PCDH15: variants seen among roughly 807,000 people sequenced by gnomAD.
PCDH15 encodes the protein protocadherin related 15.
In PCDH15, 129 loss-of-function variants were observed where a neutral mutation model predicts 178.5. That is an observed-to-expected ratio of 0.72 (90% CI 0.63 to 0.84). The LOEUF (loss-of-function observed/expected upper bound fraction) is 0.84. PCDH15 is among the 40% of genes least tolerant of loss of function. The pLI is 0.00. For missense variants in PCDH15, 2,230 were observed against 2,099.9 expected (o/e 1.06, Z -1.21); for synonymous variants, 800 against 732.0 (o/e 1.09, Z -1.50).
chr10:54,283,097 G>A (rs1485494053), intron 8 of PCDH15, among the ~76,000 whole-genome samples: 1 of 152,070 alleles, frequency 6.6e-6, no homozygotes, highest in South Asian at 2.1e-4. Context: ...AATGCTATAA[G>A]GACCACTACA....
intron 2 of PCDH15, among the ~76,000 whole-genome samples, chr10:55,331,224 C>A (rs754586196): frequency 3.3e-5 from 5 of 151,858 alleles, no homozygotes; most frequent in Non-Finnish European, 7.4e-5. Flanking sequence ...ATAGCTTGCA[C>A]AACTCACGAG....
Position 54,307,011 on chromosome 10 carries a change from TATAC to T in PCDH15, c.876+10256_876+10259del, listed in dbSNP as rs1174224242. Among the ~76,000 whole-genome samples, 49 of 49,688 alleles carry T rather than the reference TATAC, an allele frequency of 9.9e-4. 2 individuals are homozygous for T. The highest frequency in any genetic ancestry group is 2.2e-3 in the Non-Finnish European group (44 of 19,676). The allele number at this position is 49,688 out of a possible 152,430, so 32.6% of individuals were successfully genotyped here. A position where few individuals can be genotyped will look rare whatever the true frequency, so the allele number is the denominator to read the frequency against. ...TTGTTTGAAATTAAATATATATATA[TATAC>T]ATATATATATATATGTGTGTGTGTG... On this transcript the variant is annotated intron_variant, in intron 8 of 37. Transcript: ENST00000644397.
intron 2 of PCDH15, among the ~76,000 whole-genome samples, chr10:55,537,298 T>C (rs1209994613): frequency 3.3e-5 from 5 of 152,176 alleles, no homozygotes; most frequent in African/African-American, 1.2e-4. Context: ...TCAAATTCTG[T>C]GCCATCATTT....
chr10:54,529,273 A>G (rs1477438729), intron 2 of PCDH15, among the ~76,000 whole-genome samples: 2 of 152,072 alleles, frequency 1.3e-5, no homozygotes, highest in Non-Finnish European at 2.9e-5. Flanking sequence ...GATCTAAAAT[A>G]TCTCACACTC....
chr10:54,409,522 A>G (rs1410995916), intron 3 of PCDH15, among the ~76,000 whole-genome samples: 3 of 152,126 alleles, frequency 2.0e-5, no homozygotes, highest in Non-Finnish European at 4.4e-5. Context: ...ATTAAAAAAA[A>G]GCTACAGGTA....
At chr10:54,901,146 C>A (rs768712033) in intron 2 of PCDH15, among the ~76,000 whole-genome samples, 1 of 151,938 alleles carries the variant, frequency 6.6e-6, no homozygotes, top group East Asian at 1.9e-4. Context: ...CCCCCCTCCA[C>A]CATCTCTACA....
At chr10:54,189,091 C>T (rs908811527) in intron 11 of PCDH15, among the ~76,000 whole-genome samples, 1 of 151,702 alleles carries the variant, frequency 6.6e-6, no homozygotes, top group African/African-American at 2.4e-5. Context: ...CAGTCTTTGC[C>T]TCAGTTGACA....
chr10:54,425,068 T>G (rs186821983), intron 3 of PCDH15, among the ~76,000 whole-genome samples: 1 of 151,262 alleles, frequency 6.6e-6, no homozygotes, highest in Admixed American at 6.6e-5. Context: ...GAAAATGTGC[T>G]TCAGCATTTA....
intron 2 of PCDH15, among the ~76,000 whole-genome samples, chr10:55,102,588 C>T (rs1164840696): frequency 6.6e-6 from 1 of 152,030 alleles, no homozygotes; most frequent in Non-Finnish European, 1.5e-5. Context: ...GTATACTGTA[C>T]TGTACTCTCC....
At chr10:53,810,198 T>A (rs2075815106) in intron 37 of PCDH15, among the ~76,000 whole-genome samples, 1 of 152,174 alleles carries the variant, frequency 6.6e-6, no homozygotes. Context: ...TTTTCATGAC[T>A]TTTAGTTTTG....
At chr10:53,819,657 A>G (rs1229224902) in intron 33 of PCDH15, among the ~76,000 whole-genome samples, 1 of 151,974 alleles carries the variant, frequency 6.6e-6, no homozygotes, top group Non-Finnish European at 1.5e-5. Context: ...ATAATTTCTT[A>G]TGCATTAATG....
chr10:55,239,740 T>TGAG (rs1564922427), intron 1 of PCDH15, among the ~76,000 whole-genome samples: 1 of 152,004 alleles, frequency 6.6e-6, no homozygotes, highest in Non-Finnish European at 1.5e-5. Flanking sequence ...ATCAGCAAAG[T>TGAG]GAGGAGACAA....
rs199667170 is a variant in PCDH15, at chr10:54,185,103, A to G, written c.1440+31T>C. 2.5e-5 allele frequency: 40 copies of G among 1,607,998 alleles called. No individual in the cohort carries two copies. The African/African-American group carries it at 4.8e-4, about 19-fold the overall frequency. ...AACATACATACATACATTCATACAT[A>G]CATATGTATATTTACACAAAAGCTC... On this transcript the variant is annotated intron_variant, in intron 12 of 37. Coordinates refer to ENST00000644397, the MANE Select transcript of PCDH15 (RefSeq NM_001384140.1).
chr10:54,240,363 A>G (rs1358977855), intron 8 of PCDH15, among the ~76,000 whole-genome samples: 1 of 152,080 alleles, frequency 6.6e-6, no homozygotes, highest in African/African-American at 2.4e-5. Context: ...AAAGTATCCA[A>G]TGCTGATGAA....
At chr10:55,149,525 T>A (rs1258683524) in intron 2 of PCDH15, among the ~76,000 whole-genome samples, 1 of 152,078 alleles carries the variant, frequency 6.6e-6, no homozygotes, top group Non-Finnish European at 1.5e-5. Context: ...CTTATTTCCA[T>A]CTATAACAGT....
chr10:55,175,613 C>G (rs1839459948), intron 1 of PCDH15, among the ~76,000 whole-genome samples: 1 of 140,306 alleles, frequency 7.1e-6, no homozygotes, highest in Admixed American at 7.7e-5. Flanking sequence ...TTGCAGTGAG[C>G]CAAGATTGCG....
intron 1 of PCDH15, among the ~76,000 whole-genome samples, chr10:55,168,010 T>A (rs1045149923): frequency 1.3e-5 from 2 of 152,130 alleles, no homozygotes; most frequent in Non-Finnish European, 2.9e-5. Flanking sequence ...TGCATACAAG[T>A]CAATTTTTAT....
chr10:53,975,873 G>C (rs537095390), intron 21 of PCDH15, among the ~76,000 whole-genome samples: 8 of 152,164 alleles, frequency 5.3e-5, no homozygotes, highest in Non-Finnish European at 8.8e-5. Flanking sequence ...ATATTTCTTA[G>C]ATTTCCTTCT....
intron 26 of PCDH15, among the ~76,000 whole-genome samples, chr10:53,887,276 C>G (rs2133410895): frequency 6.6e-6 from 1 of 152,092 alleles, no homozygotes; most frequent in East Asian, 1.9e-4. Flanking sequence ...CATTGTTTTA[C>G]CAAGCATTAA....
Sources: gnomAD v4.1 joint callset for allele counts (sites outside exome capture counted in the v4.1 genomes callset) on GRCh38, gnomAD v4.1.1 for gene constraint, MANE v1.5 for transcripts, NCBI Gene and HGNC (gene_info 2026-07-23, HGNC 2026-07-21) for gene names.